LMF1: variants seen among roughly 807,000 people sequenced by gnomAD.
The protein encoded by LMF1 is transmembrane protein 112.
In LMF1, 68 loss-of-function variants were observed where a neutral mutation model predicts 60.6. The ratio of observed to expected loss-of-function variants is 1.12; its 90% CI spans 0.92 to 1.37. The LOEUF is 1.37. LMF1 is among the 40% of genes most tolerant of loss of function. The probability of loss-of-function intolerance (pLI) is 0.00; values close to 1 mark genes in which losing one functional copy is unlikely to be tolerated. For synonymous variants in LMF1, 418 were observed against 324.7 expected (o/e 1.29, Z -3.09); for missense variants, 948 against 767.2 (o/e 1.24, Z -2.78).
chr16:893,687 G>C (rs895587382), intron 4 of LMF1, among the ~76,000 whole-genome samples: 1 of 152,098 alleles, frequency 6.6e-6, no homozygotes, highest in Non-Finnish European at 1.5e-5. Context: ...CTGGGGGTTG[G>C]TTCTGCAGTG....
Position 943,954 on chromosome 16 carries a change from G to C in LMF1, c.504-9700C>G, listed in dbSNP as rs141887019. 2.4e-3 allele frequency among the ~76,000 whole-genome samples: 360 copies of C among 152,244 alleles called. 2 individuals carry two copies. In the Middle Eastern group the frequency reaches 0.024, roughly 10 times the overall value. On this transcript the variant is annotated intron_variant, in intron 2 of 10. Transcript: ENST00000262301. ...TTATGAAAGATCATAACATCATTGA[G>C]AAGTTAATTTTGTCTGCTTCCTTTG...
chr16:920,089 C>T (rs563320568), intron 3 of LMF1, among the ~76,000 whole-genome samples: 3 of 152,254 alleles, frequency 2.0e-5, no homozygotes, highest in Admixed American at 1.3e-4. Context: ...CCCAGCCTGT[C>T]GGCTCCCAAC....
chr16:871,543 G>A, intron 6 of LMF1: 2 of 598,372 alleles, frequency 3.3e-6, no homozygotes, highest in Middle Eastern at 4.5e-4. Context: ...GTGCCTTCCG[G>A]CAGGTGCTTC....
chr16:871,407 T>G (rs1596865753), intron 6 of LMF1, 66 bp from the exon 7 acceptor site: 36 of 1,380,940 alleles, frequency 2.6e-5, no homozygotes, highest in Non-Finnish European at 3.3e-5. Flanking sequence ...AGCTGGCGCC[T>G]CTCTTCCTGG....
In LMF1 at chr16:962,691, AG is replaced by A. The variant is rs1403292934; in HGVS notation, c.194-8026del. On this transcript the variant is annotated intron_variant, in intron 1 of 10. Coordinates refer to ENST00000262301, the MANE Select transcript of LMF1 (RefSeq NM_022773.4). This position sits in a 1 kb window ranked among gnomAD's most constrained non-coding sequence, Gnocchi z 4.5. ...CACTGTCAAGGTCGGAATCCTGCAC[AG>A]GAAAGTCTGGGAGACTCACAGACCA... Among the ~76,000 whole-genome samples the A allele has an allele frequency of 6.6e-6, 1 of 152,226 alleles. No individual in the cohort carries two copies. The highest frequency in any genetic ancestry group is 2.4e-5 in the African/African-American group (1 of 41,460).
chr16:932,182 C>CCCTACTTAGAGTAGAG (rs2071807672), intron 3 of LMF1, among the ~76,000 whole-genome samples: 1 of 152,230 alleles, frequency 6.6e-6, no homozygotes, highest in South Asian at 2.1e-4. Flanking sequence ...TTCCCCCCCA[C>CCCTACTTAGAGTAGAG]CCTACTTAGA....
intron 10 of LMF1, among the ~76,000 whole-genome samples, chr16:867,010 A>AG (rs1256068408): frequency 1.3e-5 from 2 of 152,154 alleles, no homozygotes; most frequent in Non-Finnish European, 2.9e-5. Context: ...TGGGAGGAAC[A>AG]GGGGTAAGTG....
chr16:971,746 G>A (rs921281858), upstream of LMF1, among the ~76,000 whole-genome samples: 1 of 152,208 alleles, frequency 6.6e-6, no homozygotes, highest in African/African-American at 2.4e-5. Flanking sequence ...AGGAAGGGCT[G>A]GGGTCACAGG....
At chr16:865,678 CG>C (rs2069591934) in intron 10 of LMF1, among the ~76,000 whole-genome samples, 1 of 152,098 alleles carries the variant, frequency 6.6e-6, no homozygotes, top group Admixed American at 6.6e-5. Flanking sequence ...TAGGTTTGTC[CG>C]TTTTGCCAAA....
intron 4 of LMF1, among the ~76,000 whole-genome samples, chr16:906,924 A>G (rs575903791): frequency 3.0e-4 from 46 of 152,334 alleles, no homozygotes; most frequent in African/African-American, 1.0e-3. Flanking sequence ...ATGAAGACTG[A>G]TTCATGAACA....
At chr16:922,524 C>T (rs1379266332) in intron 3 of LMF1, among the ~76,000 whole-genome samples, 1 of 152,170 alleles carries the variant, frequency 6.6e-6, no homozygotes, top group Non-Finnish European at 1.5e-5. Context: ...AAGAAAGTCG[C>T]CTCGGTTTTT....
intron 10 of LMF1, 197 bp from the exon 11 acceptor site, chr16:854,903 G>C: frequency 1.6e-6 from 1 of 629,288 alleles, no homozygotes; most frequent in East Asian, 2.7e-5. Context: ...GGCACCCTCA[G>C]CAGTGAACAG....
chr16:859,129 C>T (rs1453319278), intron 10 of LMF1, among the ~76,000 whole-genome samples: 1 of 112,452 alleles, frequency 8.9e-6, no homozygotes, highest in Admixed American at 9.6e-5. Context: ...GACGGGTGTG[C>T]ACTGATGTCA....
chr16:914,563 C>T (rs2071219788), intron 3 of LMF1, among the ~76,000 whole-genome samples: 1 of 133,228 alleles, frequency 7.5e-6, no homozygotes, highest in Non-Finnish European at 1.6e-5. Flanking sequence ...ACTGGTGACA[C>T]ACTCCCTCTT....
chr16:930,652 C>G (rs892061998), intron 3 of LMF1, among the ~76,000 whole-genome samples: 3 of 152,258 alleles, frequency 2.0e-5, no homozygotes, highest in Admixed American at 6.5e-5. Context: ...CGGCCAGCGG[C>G]CGTTTCACTA....
At chr16:895,273 G>A (rs899414702) in intron 4 of LMF1, among the ~76,000 whole-genome samples, 3 of 152,158 alleles carry the variant, frequency 2.0e-5, no homozygotes, top group African/African-American at 2.4e-5. Flanking sequence ...CTGCCTGGTC[G>A]GGTCAGCCTC....
At chr16:928,687 CCCCCACGAGCCCCTCCCCACAT>C (rs1430067865) in intron 3 of LMF1, among the ~76,000 whole-genome samples, 1 of 151,382 alleles carries the variant, frequency 6.6e-6, no homozygotes, top group Non-Finnish European at 1.5e-5. Context: ...CATCCCCACG[CCCCCACGAGCCCCTCCCCACAT>C]CCCCACGGGC....
At chr16:880,368 C>A (rs1386033515) in intron 5 of LMF1, among the ~76,000 whole-genome samples, 3 of 152,184 alleles carry the variant, frequency 2.0e-5, no homozygotes, top group Non-Finnish European at 1.5e-5. Context: ...ACTTGCCCTG[C>A]ACCATAATTC....
At chr16:968,803 AG>A (rs1329194539) in intron 1 of LMF1, 3 of 152,250 alleles carry the variant, frequency 2.0e-5, no homozygotes, top group Non-Finnish European at 2.9e-5. Context: ...CGGAGATCAA[AG>A]GAGCCTCAGC....
Sources: gnomAD v4.1 joint callset for allele counts (sites outside exome capture counted in the v4.1 genomes callset) on GRCh38, gnomAD v4.1.1 for gene constraint, Gnocchi (gnomAD v3.1) non-coding constraint, MANE v1.5 for transcripts, NCBI Gene and HGNC (gene_info 2026-07-23, HGNC 2026-07-21) for gene names.